CSMD3: variants seen among roughly 807,000 people sequenced by gnomAD.
CSMD3 encodes the protein CUB and sushi domain-containing protein 3.
CSMD3 carries 177 observed loss-of-function variants against 435.2 expected under a neutral mutation model. The ratio of observed to expected loss-of-function variants is 0.41; its 90% CI spans 0.36 to 0.46. CSMD3 has a LOEUF of 0.46. Ranked by LOEUF, CSMD3 falls within the 20% of genes least tolerant of loss-of-function variation. The pLI, the probability that CSMD3 is intolerant of heterozygous loss-of-function variation, is 0.34. For missense variants in CSMD3, 4,265 were observed against 4,504.6 expected, an observed-to-expected ratio of 0.95 and a Z score of 1.52; for synonymous variants, 1,656 against 1,520.5, an observed-to-expected ratio of 1.09 and a Z score of -2.07.
chr8:113,186,640 A>C (rs2092506719), intron 3 of CSMD3, among the ~76,000 whole-genome samples: 1 of 151,944 alleles, frequency 6.6e-6, no homozygotes. Context: ...CCCTGTATAA[A>C]CCATTTCCAT....
At chr8:112,538,180 T>C (rs776503736) in intron 27 of CSMD3, among the ~76,000 whole-genome samples, 1 of 151,940 alleles carries the variant, frequency 6.6e-6, no homozygotes, top group Non-Finnish European at 1.5e-5. Flanking sequence ...AAACTGGTTA[T>C]GGAAGGAATA....
intron 13 of CSMD3, among the ~76,000 whole-genome samples, chr8:112,741,383 C>A (rs982719183): frequency 1.3e-5 from 2 of 151,818 alleles, no homozygotes; most frequent in Admixed American, 6.6e-5. Flanking sequence ...CAGGGAAATG[C>A]AAACCAAAAT....
intron 45 of CSMD3, among the ~76,000 whole-genome samples, chr8:112,331,545 G>T (rs763459533): frequency 1.6e-5 from 2 of 126,180 alleles, no homozygotes; most frequent in African/African-American, 7.0e-5. Context: ...AGGAAGTTAG[G>T]TTAGAGAAAA....
chr8:112,888,705 G>A (rs1319539062), intron 10 of CSMD3, among the ~76,000 whole-genome samples: 1 of 151,658 alleles, frequency 6.6e-6, no homozygotes, highest in Non-Finnish European at 1.5e-5. Flanking sequence ...GTTAAGAATT[G>A]ACTCATAAAA....
intron 6 of CSMD3, 137 bp from the exon 7 acceptor site, chr8:112,976,285 G>A (rs189735307): frequency 1.0e-5 from 10 of 991,798 alleles, no homozygotes; most frequent in African/African-American, 9.7e-5. Flanking sequence ...ACAAACACGC[G>A]AGTAAATTGT....
intron 3 of CSMD3, among the ~76,000 whole-genome samples, chr8:113,235,403 A>G (rs555623399): frequency 5.9e-5 from 9 of 152,206 alleles, no homozygotes; most frequent in African/African-American, 2.2e-4. Context: ...CCAATATTCC[A>G]TAGTCATAGC....
chr8:112,537,109 T>G (rs564983826), intron 27 of CSMD3, among the ~76,000 whole-genome samples: 1 of 151,928 alleles, frequency 6.6e-6, no homozygotes, highest in Non-Finnish European at 1.5e-5. Context: ...GCATGGCACA[T>G]GTATACATAC....
At chr8:113,255,230 A>C in intron 3 of CSMD3, among the ~76,000 whole-genome samples, 1 of 152,120 alleles carries the variant, frequency 6.6e-6, no homozygotes, top group Middle Eastern at 3.2e-3. Context: ...AAAAAGTAAA[A>C]CTAGACATTG....
intron 22 of CSMD3, among the ~76,000 whole-genome samples, chr8:112,635,679 A>G (rs2074636817): frequency 6.6e-6 from 1 of 152,184 alleles, no homozygotes; most frequent in Non-Finnish European, 1.5e-5. Context: ...AAACAATCTC[A>G]TTACAATAAA....
intron 13 of CSMD3, among the ~76,000 whole-genome samples, chr8:112,784,691 T>C (rs79358416): frequency 0.025 from 3,832 of 151,940 alleles, 78 homozygotes; most frequent in East Asian, 0.074. Context: ...ACTAGACACA[T>C]ACAACCTACC....
intron 6 of CSMD3, among the ~76,000 whole-genome samples, chr8:112,996,383 A>T (rs1045738638): frequency 1.3e-5 from 2 of 151,692 alleles, no homozygotes; most frequent in East Asian, 3.9e-4. Flanking sequence ...TATTTCATAT[A>T]AATAAATTTA....
intron 5 of CSMD3, among the ~76,000 whole-genome samples, chr8:113,020,495 T>C (rs1587903360): frequency 6.6e-6 from 1 of 152,158 alleles, no homozygotes; most frequent in Non-Finnish European, 1.5e-5. Flanking sequence ...CTACCATATA[T>C]CTAACCATTT....
chr8:113,081,087 T>G (rs1263872734), intron 5 of CSMD3, among the ~76,000 whole-genome samples: 4 of 152,160 alleles, frequency 2.6e-5, no homozygotes, highest in Non-Finnish European at 5.9e-5. Context: ...ATTAAAAAGT[T>G]TAGCTATTAC....
chr8:113,386,661 C>T (rs1351855664), intron 1 of CSMD3, among the ~76,000 whole-genome samples: 3 of 151,712 alleles, frequency 2.0e-5, no homozygotes, highest in Admixed American at 6.6e-5. Flanking sequence ...AATGGGGACT[C>T]AATGGCAATC....
intron 6 of CSMD3, among the ~76,000 whole-genome samples, chr8:112,996,652 T>C (rs1368635819): frequency 2.0e-5 from 3 of 151,638 alleles, no homozygotes; most frequent in Non-Finnish European, 4.4e-5. Flanking sequence ...GTTTCAAGCA[T>C]ATCTGCAAAT....
At chr8:112,729,743 G>A (rs2077037884) in intron 13 of CSMD3, among the ~76,000 whole-genome samples, 1 of 152,030 alleles carries the variant, frequency 6.6e-6, no homozygotes, top group African/African-American at 2.4e-5. Flanking sequence ...CAGAAGAGAA[G>A]ACAATCAAAA....
intron 1 of CSMD3, among the ~76,000 whole-genome samples, chr8:113,379,942 T>C (rs1354377970): frequency 6.6e-6 from 1 of 152,192 alleles, no homozygotes; most frequent in African/African-American, 2.4e-5. Flanking sequence ...TTGTGGAAAA[T>C]TGATAGCAAT....
At chr8:112,326,894 T>A (rs563348799) in intron 45 of CSMD3, among the ~76,000 whole-genome samples, 1 of 152,026 alleles carries the variant, frequency 6.6e-6, no homozygotes, top group African/African-American at 2.4e-5. Flanking sequence ...TGGCGGTGCA[T>A]GCCTGTAATC....
intron 38 of CSMD3, among the ~76,000 whole-genome samples, chr8:112,370,573 T>C (rs1828293270): frequency 6.6e-6 from 1 of 152,188 alleles, no homozygotes; most frequent in Admixed American, 6.5e-5. Context: ...TGGCTCTAGC[T>C]GTTCCCTAAA....
Sources: allele counts gnomAD v4.1 joint callset (sites outside exome capture counted in the v4.1 genomes callset), GRCh38; gene constraint gnomAD v4.1.1; transcripts MANE v1.5; gene names NCBI Gene and HGNC (gene_info 2026-07-23, HGNC 2026-07-21).